LILRB4: variants seen among roughly 807,000 people sequenced by gnomAD.
LILRB4 encodes the protein leukocyte immunoglobulin-like receptor subfamily B member 4.
Under a neutral mutation model 55.2 loss-of-function variants are expected in LILRB4, and 49 were observed. The ratio of observed to expected loss-of-function variants is 0.89; its 90% CI spans 0.71 to 1.13. LILRB4 has a LOEUF of 1.13. LILRB4 is among the 50% of genes most tolerant of loss of function. The pLI is 0.00. For synonymous variants in LILRB4, 229 were observed against 213.8 expected (o/e 1.07, Z -0.62); for missense variants, 590 against 555.2 (o/e 1.06, Z -0.63).
chr19:54,663,548 C>T lies in LILRB4; in HGVS notation c.51C>T (p.Pro17=), dbSNP rs537277773. The T allele has an allele frequency of 3.1e-6, 5 of 1,613,496 alleles. No homozygotes were observed. In the African/African-American group the frequency reaches 4.0e-5, roughly 13 times the overall value. The change falls in exon 2 of 12, where the codon CCC becomes CCT. Residue 17 remains proline (P), a synonymous_variant. Transcript: ENST00000430952. ...CTCTTCCAGGGCTGAGTCTGGGCCC[C>T]AGGACCCACATGCAGGCAGGTGAGT...
chr19:54,667,534 A>C (rs188968611), intron 10 of LILRB4, 101 bp from the exon 11 acceptor site: 6 of 1,560,314 alleles, frequency 3.8e-6, no homozygotes, highest in Non-Finnish European at 5.2e-6. Flanking sequence ...AGATTCCGTC[A>C]GGAAAGGGAT....
At position 54,666,098 on chromosome 19, in the gene LILRB4, T is replaced by C; in HGVS notation, c.875-142T>C. On this transcript the variant is annotated intron_variant, in intron 7 of 11. Transcript: ENST00000430952. This position sits in a 1 kb window ranked among gnomAD's most constrained non-coding sequence, Gnocchi z 4.8. Reference sequence around the variant, plus strand: ...ATGAGGGAGTAATGGAAGTGCTTTATTCTTTCGGTTTTTCTAAACTTAGAA... The same window carrying C: ...ATGAGGGAGTAATGGAAGTGCTTTACTCTTTCGGTTTTTCTAAACTTAGAA... 8.2e-7 allele frequency: 1 copy of C among 1,223,696 alleles called. No homozygotes were observed. The highest frequency in any genetic ancestry group is 1.5e-5 in the South Asian group (1 of 67,576). The allele number at this position is 1,223,696 out of a possible 1,614,324, so 75.8% of individuals were successfully genotyped here.
At position 54,666,395 on chromosome 19, in the gene LILRB4, C is replaced by T. The variant is rs1434426191; in HGVS notation, c.951-4C>T. The T allele has an allele frequency of 1.2e-6, 2 of 1,614,126 alleles. No homozygotes were observed. The highest frequency in any genetic ancestry group is 1.7e-6 in the Non-Finnish European group (2 of 1,179,950). On this transcript the variant is annotated splice_polypyrimidine_tract_variant and splice_region_variant and intron_variant, in intron 8 of 11. Transcript: ENST00000430952. The surrounding 1 kb of genome is among the most constrained non-coding windows in gnomAD (Gnocchi z 4.8). ...TCCCCTTACACTCCCGTATCCTCCCCCAGGTCCAGCCCAGCTGCTGACGTC... is the reference window on the plus strand; with the variant it reads ...TCCCCTTACACTCCCGTATCCTCCCTCAGGTCCAGCCCAGCTGCTGACGTC...
chr19:54,667,725 C>T lies in LILRB4; in HGVS notation c.1129C>T (p.Pro377Ser), dbSNP rs61743356. 6,818 of 1,610,630 alleles carry T rather than the reference C, an allele frequency of 4.2e-3. 21 individuals are homozygous for T. The highest frequency in any genetic ancestry group is 6.9e-3 in the Middle Eastern group (31 of 4,498). The stretch of plus-strand genomic sequence containing the variant: ...GAGAGAAATGGCCTCTCCTCCCTCC[C>T]CACTGTCTGGGGAATTCCTGGACAC... Residue 377 changes from proline (P) to serine (S), a missense_variant, in exon 11 of 12, where the codon CCA becomes TCA. Pro to Ser is a moderately conservative substitution (Grantham distance 74). Coordinates refer to ENST00000430952, the Ensembl canonical transcript of LILRB4.
chr19:54,667,883 C>G (rs1429875938), exon 12 of LILRB4: 15 of 1,610,214 alleles, frequency 9.3e-6, no homozygotes, highest in Non-Finnish European at 1.3e-5. Flanking sequence ...GCTGCTGCAT[C>G]TGAAGCCCCC....
intron 10 of LILRB4, 128 bp from the exon 11 acceptor site, chr19:54,667,507 G>A: frequency 3.3e-6 from 5 of 1,517,296 alleles, no homozygotes; most frequent in Non-Finnish European, 4.4e-6. Context: ...ACCCTCCACG[G>A]CCTTAGGGCA....
chr19:54,663,452 A>C, intron 1 of LILRB4, 80 bp from the exon 2 acceptor site: 7 of 1,447,876 alleles, frequency 4.8e-6, no homozygotes, highest in Non-Finnish European at 6.5e-6. Flanking sequence ...TCAAAAAAAA[A>C]AAAAAAAAAA....
chr19:54,668,251 C>G, exon 12 of LILRB4: 1 of 525,258 alleles, frequency 1.9e-6, no homozygotes, highest in South Asian at 3.3e-5. Context: ...ACTGATAAAA[C>G]AAAACAGAAG....
Position 54,665,945 on chromosome 19 carries a change from T to C in LILRB4, c.874+14T>C. 6.2e-7 allele frequency: 1 copy of C among 1,613,648 alleles called. No homozygotes were observed. The highest frequency in any genetic ancestry group is 1.1e-5 in the South Asian group (1 of 91,042). On this transcript the variant is annotated intron_variant, in intron 7 of 11. Transcript: ENST00000430952. This position sits in a 1 kb window ranked among gnomAD's most constrained non-coding sequence, Gnocchi z 5.5. The stretch of plus-strand genomic sequence containing the variant: ...ACAGGACATTGGGTAAGTAGGAAAT[T>C]GGGGGACCCGTGGGCTGATGGAGGG...
At chr19:54,663,985 G>T (rs377159562) in exon 3 of LILRB4, 2 of 1,614,082 alleles carry the variant, frequency 1.2e-6, no homozygotes, top group African/African-American at 1.3e-5. Context: ...TGTTACTATC[G>T]CAGCCCTGTA....
chr19:54,664,576 G>C, intron 4 of LILRB4, 91 bp downstream of exon 4: 1 of 1,379,496 alleles, frequency 7.2e-7, no homozygotes, highest in Non-Finnish European at 9.9e-7. Context: ...GAGGGAGAGG[G>C]GCTCAGCCAG....
exon 12 of LILRB4, chr19:54,668,394 A>T (rs1449493074): frequency 4.9e-6 from 1 of 203,210 alleles, no homozygotes; most frequent in Admixed American, 5.2e-5. Flanking sequence ...TTTATTCTTG[A>T]AAACATTAAT....
At position 54,666,484 on chromosome 19, in the gene LILRB4, C is replaced by T; in HGVS notation, c.988+48C>T. 1 of 1,602,232 alleles carries T rather than the reference C, an allele frequency of 6.2e-7. No homozygotes were observed. The highest frequency in any genetic ancestry group is 8.5e-7 in the Non-Finnish European group (1 of 1,171,226). ...GCACCTGGGGTGGAGCTGGGGGTCC[C>T]AAAATTTCAATAGCAATGGGGGCAG... On this transcript the variant is annotated intron_variant, in intron 9 of 11. Transcript: ENST00000430952. This position sits in a 1 kb window ranked among gnomAD's most constrained non-coding sequence, Gnocchi z 4.8.
rs977805474 is a variant in LILRB4 at position 54,665,676 on chromosome 19, G to A, written c.758-139G>A. The stretch of plus-strand genomic sequence containing the variant: ...TGCATCTGTGAAATGGGTGGAGAGA[G>A]GGTGGCAATCTCAGGTTGCACAACT... On this transcript the variant is annotated intron_variant, in intron 6 of 11. Transcript: ENST00000430952. The surrounding 1 kb of genome is among the most constrained non-coding windows in gnomAD (Gnocchi z 5.5). 2 of 1,049,068 alleles carry A rather than the reference G, an allele frequency of 1.9e-6. No individual in the cohort carries two copies. The highest frequency in any genetic ancestry group is 1.4e-5 in the South Asian group (1 of 72,832). 65.0% of individuals were successfully genotyped at this position (1,049,068 alleles called of 1,614,324 possible).
In LILRB4 at chr19:54,666,627, A is replaced by AG; in HGVS notation, c.989-67dup. On this transcript the variant is annotated intron_variant, in intron 9 of 11. Coordinates refer to ENST00000430952, the Ensembl canonical transcript of LILRB4. This position sits in a 1 kb window ranked among gnomAD's most constrained non-coding sequence, Gnocchi z 4.8. Reference sequence around the variant, plus strand: ...GCAGTGGCACTAATGGGAACAGGGCAGGGACCAGCAGGAATGAGAGGTCCC... The same window carrying AG: ...GCAGTGGCACTAATGGGAACAGGGCAGGGGACCAGCAGGAATGAGAGGTCCC... The AG allele has an allele frequency of 1.3e-6, 2 of 1,528,338 alleles. No individual in the cohort carries two copies. The highest frequency in any genetic ancestry group is 1.8e-6 in the Non-Finnish European group (2 of 1,107,994). 94.7% of individuals were successfully genotyped at this position (1,528,338 alleles called of 1,614,324 possible).
At chr19:54,664,080 C>A (rs779048956) in intron 3 of LILRB4, 42 bp downstream of exon 3, 31 of 1,607,254 alleles carry the variant, frequency 1.9e-5, no homozygotes, top group Non-Finnish European at 2.6e-5. Flanking sequence ...GCTCTGCCCT[C>A]AGGAAGGGGG....
At chr19:54,663,270 C>T (rs540117146) in intron 1 of LILRB4, among the ~76,000 whole-genome samples, 10 of 151,876 alleles carry the variant, frequency 6.6e-5, no homozygotes, top group African/African-American at 2.4e-4. Flanking sequence ...CACGGTGAAA[C>T]CCTGTCTCTA....
exon 12 of LILRB4, chr19:54,668,104 C>T: frequency 6.6e-7 from 1 of 1,509,748 alleles, no homozygotes; most frequent in South Asian, 1.2e-5. Flanking sequence ...CATCACTGAA[C>T]CCCAGCCAGC....
exon 4 of LILRB4, chr19:54,664,376 G>A (rs375629046): frequency 1.2e-6 from 2 of 1,613,798 alleles, no homozygotes; most frequent in Non-Finnish European, 1.7e-6. Context: ...AATTCCCCAT[G>A]AGTCCTGTGA....
Sources: gnomAD v4.1 joint callset for allele counts (sites outside exome capture counted in the v4.1 genomes callset) on GRCh38, gnomAD v4.1.1 for gene constraint, Gnocchi (gnomAD v3.1) non-coding constraint, MANE v1.5 for transcripts, NCBI Gene and HGNC (gene_info 2026-07-23, HGNC 2026-07-21) for gene names.